The following ACSM2B variants were observed in gnomAD, a reference collection of about 807,000 sequenced individuals.
ACSM2B encodes acyl-coenzyme A synthetase ACSM2B, mitochondrial.
ACSM2B carries 58 observed loss-of-function variants against 78.6 expected under a neutral mutation model. The ratio of observed to expected loss-of-function variants is 0.74; its 90% CI spans 0.60 to 0.92. ACSM2B has a LOEUF of 0.92. Among genes scored for constraint, ACSM2B ranks in the 40% least tolerant of loss-of-function variants. ACSM2B has a pLI of 0.00. For synonymous variants in ACSM2B, 257 were observed against 256.8 expected (o/e 1.00, Z -0.01); for missense variants, 688 against 711.2 (o/e 0.97, Z 0.37).
intron 12 of ACSM2B, among the ~76,000 whole-genome samples, chr16:20,541,478 A>G (rs2014986753): frequency 6.6e-6 from 1 of 151,710 alleles, no homozygotes; most frequent in Non-Finnish European, 1.5e-5. Flanking sequence ...TTCACTGTGA[A>G]CTCTGTGGCA....
In ACSM2B at chr16:20,570,632, G is replaced by A. The variant is rs1014117572; in HGVS notation, c.-9+5575C>T. On this transcript the variant is annotated intron_variant, in intron 1 of 13. Transcript: ENST00000329697. The stretch of plus-strand genomic sequence containing the variant: ...TTGTGGAATAGCGTCGATAGGATTG[G>A]TACCAATTCTTCTTTGAATGTCTGG... Among the ~76,000 whole-genome samples the A allele has an allele frequency of 9.9e-4, 150 of 151,906 alleles. 1 individual carries two copies. The highest frequency in any genetic ancestry group is 1.8e-3 in the Non-Finnish European group (119 of 67,806).
intron 1 of ACSM2B, among the ~76,000 whole-genome samples, chr16:20,567,246 ATATAATATATAATATATAG>A (rs1234538117): frequency 7.9e-6 from 1 of 126,794 alleles, no homozygotes; most frequent in Non-Finnish European, 1.6e-5. Context: ...ATAGTGTAAT[ATATAATATATAATATATAG>A]TATAATATAT....
chr16:20,567,939 T>G (rs989154161), intron 1 of ACSM2B, among the ~76,000 whole-genome samples: 8 of 143,270 alleles, frequency 5.6e-5, no homozygotes, highest in Non-Finnish European at 1.2e-4. Context: ...ATATAGAAAT[T>G]TATATATTTG....
At position 20,546,339 on chromosome 16, in the gene ACSM2B, T is replaced by C. The variant is rs9929446; in HGVS notation, c.1179+55A>G. On this transcript the variant is annotated intron_variant, in intron 9 of 13. Transcript: ENST00000329697. ...TCAATAAACAATGGAAAACATAAAT[T>C]ACTGAAAATCAGTGTTTCCCCTAAC... 6,057 of 1,559,338 alleles carry C rather than the reference T, an allele frequency of 3.9e-3. 180 individuals carry two copies. In the African/African-American group the frequency reaches 0.057, roughly 15 times the overall value.
intron 13 of ACSM2B, 148 bp from the exon 14 acceptor site, chr16:20,537,510 C>A: frequency 1.2e-6 from 1 of 805,514 alleles, no homozygotes; most frequent in Non-Finnish European, 2.0e-6. Context: ...TCAGAAGGTG[C>A]TCTGGGATGA....
chr16:20,567,489 A>AACT, intron 1 of ACSM2B, among the ~76,000 whole-genome samples: 1 of 122,714 alleles, frequency 8.1e-6, no homozygotes, highest in African/African-American at 3.2e-5. Context: ...CAGTATATAT[A>AACT]AATAATATAT....
Position 20,566,622 on chromosome 16 carries a change from A to G in ACSM2B, c.-8-1769T>C, listed in dbSNP as rs1386705813. Among the ~76,000 whole-genome samples, 11 of 64,756 alleles carry G rather than the reference A, an allele frequency of 1.7e-4. 2 individuals carry two copies. In the South Asian group the frequency reaches 6.0e-3, roughly 35 times the overall value. 42.5% of individuals were successfully genotyped at this position (64,756 alleles called of 152,430 possible). A position where few individuals can be genotyped will look rare whatever the true frequency, so the allele number is the denominator to read the frequency against. On this transcript the variant is annotated intron_variant, in intron 1 of 13. Coordinates refer to ENST00000329697, the MANE Select transcript of ACSM2B (RefSeq NM_001105069.2). Reference sequence around the variant, plus strand: ...ATGTATATATCTACATATAGTATATATACTATATATAGTATATATATACTA... The same window carrying G: ...ATGTATATATCTACATATAGTATATGTACTATATATAGTATATATATACTA...
chr16:20,566,265 A>G (rs1383942714), intron 1 of ACSM2B, among the ~76,000 whole-genome samples: 3 of 131,670 alleles, frequency 2.3e-5, no homozygotes, highest in African/African-American at 8.6e-5. Flanking sequence ...ATATATATAT[A>G]TATATATATA....
In ACSM2B at chr16:20,548,470, G is replaced by A. The variant is rs2015211254; in HGVS notation, c.898C>T (p.Leu300Phe). 6.2e-7 allele frequency: 1 copy of A among 1,613,488 alleles called. No homozygotes were observed. The highest frequency in any genetic ancestry group is 8.5e-7 in the Non-Finnish European group (1 of 1,179,678). Residue 300 changes from leucine (L) to phenylalanine (F), a missense_variant, in exon 7 of 14, where the codon CTC becomes TTC. Physicochemically the swap from Leu to Phe is conservative, Grantham distance 22 (BLOSUM62 0). Coordinates refer to ENST00000329697, the MANE Select transcript of ACSM2B (RefSeq NM_001105069.2). ...ATACTCTTGATTGGATAACTGGAGA[G>A]TGTCTGGAAGACAAGAGCCAGGTGA... ...KFDPLVILKT[L>F]SSYPIKSMMG...
intron 1 of ACSM2B, chr16:20,574,190 T>C (rs1242598911): frequency 6.6e-6 from 1 of 152,006 alleles, no homozygotes; most frequent in East Asian, 1.9e-4. Context: ...TTGCACATCC[T>C]TCTATAGGCT....
intron 10 of ACSM2B, among the ~76,000 whole-genome samples, chr16:20,543,950 C>A (rs2015068740): frequency 6.6e-6 from 1 of 152,162 alleles, no homozygotes; most frequent in African/African-American, 2.4e-5. Context: ...AGAGTTTAGT[C>A]TGAAGCTAAA....
intron 1 of ACSM2B, among the ~76,000 whole-genome samples, chr16:20,574,955 C>T (rs1353470585): frequency 6.9e-6 from 1 of 145,846 alleles, no homozygotes; most frequent in Non-Finnish European, 1.5e-5. Flanking sequence ...CCTTAGTTCT[C>T]CACATATGGT....
chr16:20,572,922 G>A (rs1477938140), intron 1 of ACSM2B, among the ~76,000 whole-genome samples: 1 of 147,616 alleles, frequency 6.8e-6, no homozygotes, highest in Admixed American at 6.8e-5. Context: ...AGTTATGATT[G>A]TTTTTATGTA....
chr16:20,557,893 A>T (rs951001512), intron 3 of ACSM2B, among the ~76,000 whole-genome samples: 1 of 152,198 alleles, frequency 6.6e-6, no homozygotes, highest in Non-Finnish European at 1.5e-5. Context: ...CTCACAAGCT[A>T]TCTATCTTTG....
intron 1 of ACSM2B, among the ~76,000 whole-genome samples, chr16:20,572,203 T>G (rs1596742221): frequency 1.3e-5 from 2 of 150,586 alleles, no homozygotes; most frequent in Admixed American, 1.3e-4. Flanking sequence ...AGGTTCTATT[T>G]TGATGTGTTT....
rs1463788836 is a variant in ACSM2B at position 20,566,729 on chromosome 16, A to C, written c.-8-1876T>G. 1.2e-4 allele frequency among the ~76,000 whole-genome samples: 2 copies of C among 17,278 alleles called. 1 individual carries two copies. Among genetic ancestry groups the C allele is most frequent in the African/African-American group, 5.8e-4 (2 of 3,466 alleles). The allele number at this position is 17,278 out of a possible 152,430, so 11.3% of individuals were successfully genotyped here. On this transcript the variant is annotated intron_variant, in intron 1 of 13. Transcript: ENST00000329697. Reference sequence around the variant, plus strand: ...ATATAGTATATATAGTATATACTATATATAGTATATACTATATATACTATA... The same window carrying C: ...ATATAGTATATATAGTATATACTATCTATAGTATATACTATATATACTATA...
At position 20,559,540 on chromosome 16, in the gene ACSM2B, G is replaced by A. The variant is rs566241748; in HGVS notation, c.178-93C>T. ...CTTGGGATTGCCAAGCTGGTGCTTAGTAAGGTTTTTTATCTCAGCACCTCC... is the reference window on the plus strand; with the variant it reads ...CTTGGGATTGCCAAGCTGGTGCTTAATAAGGTTTTTTATCTCAGCACCTCC... On this transcript the variant is annotated intron_variant, in intron 2 of 13. Coordinates refer to ENST00000329697, the MANE Select transcript of ACSM2B (RefSeq NM_001105069.2). 194 of 1,479,764 alleles carry A rather than the reference G, an allele frequency of 1.3e-4. 2 individuals carry two copies. The highest frequency in any genetic ancestry group is 4.0e-4 in the South Asian group (29 of 72,340). The allele number at this position is 1,479,764 out of a possible 1,614,324, so 91.7% of individuals were successfully genotyped here.
chr16:20,570,218 C>T (rs963180857), intron 1 of ACSM2B, among the ~76,000 whole-genome samples: 15 of 151,892 alleles, frequency 9.9e-5, no homozygotes, highest in Non-Finnish European at 1.6e-4. Flanking sequence ...GCTTTTATTA[C>T]ATTAAGGTAT....
rs778832552 is a variant in ACSM2B at position 20,545,268 on chromosome 16, G to T, written c.1180-10C>A. 3.7e-6 allele frequency: 6 copies of T among 1,611,654 alleles called. No individual in the cohort carries two copies. The highest frequency in any genetic ancestry group is 2.2e-5 in the East Asian group (1 of 44,822). On this transcript the variant is annotated splice_polypyrimidine_tract_variant and intron_variant, in intron 9 of 13. Transcript: ENST00000329697. ...CCTTATCATCTATAACCTGGAGAAA[G>T]AAGCATATTGGAAGAATGACGCACA...
Sources: allele counts gnomAD v4.1 joint callset (sites outside exome capture counted in the v4.1 genomes callset), GRCh38; gene constraint gnomAD v4.1.1; transcripts MANE v1.5; gene names NCBI Gene and HGNC (gene_info 2026-07-23, HGNC 2026-07-21).